EVI5: variants seen among roughly 807,000 people sequenced by gnomAD.
EVI5 encodes the protein ecotropic viral integration site 5 protein homolog.
A neutral mutation model predicts 112.0 loss-of-function variants in EVI5; 73 were observed. The ratio of observed to expected loss-of-function variants is 0.65; its 90% confidence interval spans 0.54 to 0.79. The LOEUF (loss-of-function observed/expected upper bound fraction) is 0.79. Ranked by LOEUF, EVI5 falls within the 30% of genes least tolerant of loss-of-function variation. The pLI is 0.00. For missense variants in EVI5, 900 were observed against 968.8 expected (o/e 0.93, Z 0.94); for synonymous variants, 305 against 319.9 (o/e 0.95, Z 0.50).
At chr1:92,724,954 G>T (rs1376490569) in intron 2 of EVI5, among the ~76,000 whole-genome samples, 2 of 152,164 alleles carry the variant, frequency 1.3e-5, no homozygotes, top group African/African-American at 4.8e-5. Context: ...CCCTATAACA[G>T]GTGGGGAAAA....
rs1335886398 is a variant in EVI5, at chr1:92,662,780, G to T, written c.1331C>A (p.Ala444Asp). ...TTCAGCTTGCTCCAGCTTAGCACTG[G>T]CCTCATCACTCTGCTGTTTGATGGT... is the stretch of plus-strand genomic sequence containing the variant. Reference protein sequence around the residue: ...LATIKQQSDEASAKLEQAENT... With the variant: ...LATIKQQSDEDSAKLEQAENT... The change falls in exon 13 of 20, where the codon GCC becomes GAC. Residue 444 changes from alanine (A) to aspartate (D), a missense_variant. Ala to Asp is a moderately radical substitution (Grantham distance 126). Coordinates refer to ENST00000684568, the MANE Select transcript of EVI5 (RefSeq NM_001350197.2). 7.8e-7 allele frequency: 1 copy of T among 1,289,256 alleles called. No individual in the cohort carries two copies. The allele number at this position is 1,289,256 out of a possible 1,614,324, so 79.9% of individuals were successfully genotyped here. A position where few individuals can be genotyped will look rare whatever the true frequency, so the allele number is the denominator to read the frequency against.
intron 1 of EVI5, among the ~76,000 whole-genome samples, chr1:92,761,370 C>T (rs944332781): frequency 6.6e-6 from 1 of 152,016 alleles, no homozygotes; most frequent in Admixed American, 6.6e-5. Context: ...GTATTTGTAA[C>T]GCCAAATGCA....
chr1:92,526,294 G>A (rs1426359453), intron 19 of EVI5, among the ~76,000 whole-genome samples: 1 of 152,168 alleles, frequency 6.6e-6, no homozygotes, highest in Non-Finnish European at 1.5e-5. Context: ...CCTGGGCTCA[G>A]GTGATCCTTC....
At chr1:92,553,591 G>A (rs554015756) in intron 19 of EVI5, among the ~76,000 whole-genome samples, 11 of 151,950 alleles carry the variant, frequency 7.2e-5, no homozygotes, top group African/African-American at 2.7e-4. Context: ...GTGAGCCACC[G>A]TGCCCAGCCA....
intron 13 of EVI5, among the ~76,000 whole-genome samples, chr1:92,639,461 T>C (rs1659524813): frequency 6.6e-6 from 1 of 152,162 alleles, no homozygotes; most frequent in South Asian, 2.1e-4. Context: ...AATATTTGTA[T>C]TGGGGGAAGT....
At chr1:92,631,338 T>C (rs1268657824) in intron 14 of EVI5, among the ~76,000 whole-genome samples, 1 of 152,252 alleles carries the variant, frequency 6.6e-6, no homozygotes, top group Non-Finnish European at 1.5e-5. Flanking sequence ...CATCTCTTTG[T>C]ATCCTCTTTT....
intron 13 of EVI5, chr1:92,647,430 A>G: frequency 3.0e-6 from 1 of 334,548 alleles, no homozygotes; most frequent in Non-Finnish European, 5.9e-6. Flanking sequence ...GCACCTTCCA[A>G]GCATAGCATA....
At chr1:92,542,520 C>T (rs369644797) in intron 19 of EVI5, among the ~76,000 whole-genome samples, 26 of 152,298 alleles carry the variant, frequency 1.7e-4, no homozygotes, top group African/African-American at 6.0e-4. Flanking sequence ...ATGTTCTTAA[C>T]GACATCTAGA....
At chr1:92,526,716 G>A (rs1376706569) in intron 19 of EVI5, among the ~76,000 whole-genome samples, 1 of 151,716 alleles carries the variant, frequency 6.6e-6, no homozygotes, top group Non-Finnish European at 1.5e-5. Flanking sequence ...ATGAACAGGT[G>A]GAACACAGGG....
At chr1:92,671,192 C>T (rs929855620) in intron 10 of EVI5, among the ~76,000 whole-genome samples, 1 of 152,144 alleles carries the variant, frequency 6.6e-6, no homozygotes, top group Non-Finnish European at 1.5e-5. Context: ...CTGCTCCACT[C>T]GTTTCTAGGA....
At chr1:92,770,932 C>A (rs748627902) in intron 1 of EVI5, among the ~76,000 whole-genome samples, 8 of 151,676 alleles carry the variant, frequency 5.3e-5, no homozygotes, top group Non-Finnish European at 1.0e-4. Flanking sequence ...TCTCCTGCCT[C>A]AGCCTCCCAA....
At chr1:92,688,618 C>T (rs1668970809) in intron 9 of EVI5, among the ~76,000 whole-genome samples, 2 of 151,720 alleles carry the variant, frequency 1.3e-5, no homozygotes, top group South Asian at 2.1e-4. Flanking sequence ...GAAGAAGAAC[C>T]GAGGCACCTC....
intron 18 of EVI5, among the ~76,000 whole-genome samples, chr1:92,586,872 C>T (rs114270765): frequency 0.02 from 3,050 of 151,906 alleles, 57 homozygotes; most frequent in Non-Finnish European, 0.029. Context: ...AAGCCCTGGT[C>T]CCCTTCACTG....
chr1:92,644,934 T>C (rs1338628541), intron 13 of EVI5, among the ~76,000 whole-genome samples: 2 of 152,158 alleles, frequency 1.3e-5, no homozygotes, highest in African/African-American at 2.4e-5. Flanking sequence ...CCAGAATATG[T>C]TCTATCTTCA....
chr1:92,693,976 T>A (rs1669905757), intron 8 of EVI5, 77 bp from the exon 9 acceptor site: 1 of 927,986 alleles, frequency 1.1e-6, no homozygotes, highest in Non-Finnish European at 1.7e-6. Context: ...TTCAAGAAAT[T>A]ATGGGCTGGG....
intron 19 of EVI5, among the ~76,000 whole-genome samples, chr1:92,549,805 T>C (rs896865001): frequency 1.3e-5 from 2 of 152,138 alleles, no homozygotes; most frequent in African/African-American, 4.8e-5. Context: ...TGAGACACCA[T>C]CTCACACCAG....
At chr1:92,566,459 T>C (rs1253412097) in intron 18 of EVI5, among the ~76,000 whole-genome samples, 1 of 152,236 alleles carries the variant, frequency 6.6e-6, no homozygotes, top group African/African-American at 2.4e-5. Flanking sequence ...TAAAGAAATC[T>C]ACTGTGCTGC....
chr1:92,641,870 TGG>T (rs1344692485), intron 13 of EVI5, among the ~76,000 whole-genome samples: 1 of 152,142 alleles, frequency 6.6e-6, no homozygotes, highest in Non-Finnish European at 1.5e-5. Context: ...TGGTGCACGG[TGG>T]CTCACGCCTG....
intron 16 of EVI5, among the ~76,000 whole-genome samples, chr1:92,615,702 G>A (rs1167488158): frequency 6.6e-6 from 1 of 152,108 alleles, no homozygotes; most frequent in Non-Finnish European, 1.5e-5. Flanking sequence ...GCCCTCCCCT[G>A]AGGCAGTTGC....
Sources: gnomAD v4.1 joint callset for allele counts (sites outside exome capture counted in the v4.1 genomes callset) on GRCh38, gnomAD v4.1.1 for gene constraint, MANE v1.5 for transcripts, NCBI Gene and HGNC (gene_info 2026-07-23, HGNC 2026-07-21) for gene names.